Variants in PTPRM observed in about 807,000 individuals in gnomAD.
PTPRM encodes the protein protein tyrosine phosphatase receptor type M, also known as receptor-type tyrosine-protein phosphatase mu.
Under a neutral mutation model 186.7 loss-of-function variants are expected in PTPRM, and 47 were observed. The ratio of observed to expected loss-of-function variants is 0.25; its 90% confidence interval spans 0.20 to 0.32. The LOEUF is 0.32. PTPRM is among the 10% of genes least tolerant of loss of function. PTPRM has a pLI of 1.00. For synonymous variants in PTPRM, 668 were observed against 674.9 expected (o/e 0.99, Z 0.16); for missense variants, 1,494 against 1,865.0 (o/e 0.80, Z 3.66).
intron 14 of PTPRM, among the ~76,000 whole-genome samples, chr18:8,198,355 C>T (rs1001938825): frequency 1.2e-4 from 18 of 152,070 alleles, no homozygotes; most frequent in African/African-American, 4.1e-4. Context: ...TGCCATGTTG[C>T]CCAGGCTGGT....
intron 14 of PTPRM, among the ~76,000 whole-genome samples, chr18:8,191,108 A>G (rs2093703967): frequency 6.6e-6 from 1 of 152,200 alleles, no homozygotes; most frequent in South Asian, 2.1e-4. Flanking sequence ...AGAGTAGGAA[A>G]GGGAACCTTA....
intron 29 of PTPRM, among the ~76,000 whole-genome samples, chr18:8,383,484 G>A (rs886807902): frequency 2.0e-5 from 3 of 151,966 alleles, no homozygotes; most frequent in African/African-American, 4.8e-5. Flanking sequence ...ATTTCCAAGG[G>A]TAGGAATTTT....
At chr18:7,576,009 GA>G (rs2036678579) in intron 1 of PTPRM, among the ~76,000 whole-genome samples, 1 of 152,178 alleles carries the variant, frequency 6.6e-6, no homozygotes, top group South Asian at 2.1e-4. Flanking sequence ...GCAGGGGTTG[GA>G]AATGACCTTG....
chr18:8,143,571 C>T lies in PTPRM; in HGVS notation c.2168-76C>T, dbSNP rs369971141. The T allele has an allele frequency of 8.1e-6, 12 of 1,479,826 alleles. No homozygotes were observed. In the East Asian group the frequency reaches 9.1e-5, roughly 11 times the overall value. The allele number at this position is 1,479,826 out of a possible 1,614,324, so 91.7% of individuals were successfully genotyped here. Reference sequence around the variant, plus strand: ...AGTCTTATTACTCTGTTAAATGCAGCGAAATTTTTTAAACTGTGGCATCTT... The same window carrying T: ...AGTCTTATTACTCTGTTAAATGCAGTGAAATTTTTTAAACTGTGGCATCTT... On this transcript the variant is annotated intron_variant, in intron 13 of 32. Transcript: ENST00000580170.
At chr18:8,114,966 A>C in intron 13 of PTPRM, 139 bp downstream of exon 13, 1 of 627,794 alleles carries the variant, frequency 1.6e-6, no homozygotes, top group Non-Finnish European at 2.7e-6. Context: ...TATATGCATG[A>C]ATGCATGTAT....
At chr18:8,360,747 C>T (rs1480894058) in intron 23 of PTPRM, 10 of 152,156 alleles carry the variant, frequency 6.6e-5, no homozygotes, top group African/African-American at 1.4e-4. Context: ...TTTCAACACC[C>T]GACACTGTTT....
At chr18:7,576,660 T>G (rs1341261577) in intron 1 of PTPRM, among the ~76,000 whole-genome samples, 1 of 152,086 alleles carries the variant, frequency 6.6e-6, no homozygotes, top group Non-Finnish European at 1.5e-5. Context: ...AAAAAATTGA[T>G]AGAGATGGGG....
At chr18:7,719,029 G>C (rs776420700) in intron 1 of PTPRM, among the ~76,000 whole-genome samples, 1 of 152,084 alleles carries the variant, frequency 6.6e-6, no homozygotes, top group East Asian at 1.9e-4. Flanking sequence ...CATTTGATCC[G>C]GCAATCCCAC....
chr18:8,097,413 C>T (rs2091065690), intron 11 of PTPRM, among the ~76,000 whole-genome samples: 1 of 152,186 alleles, frequency 6.6e-6, no homozygotes. Context: ...GTATTTTCCA[C>T]TCAATGAGAA....
At chr18:7,722,817 A>G (rs1308041628) in intron 1 of PTPRM, among the ~76,000 whole-genome samples, 2 of 152,222 alleles carry the variant, frequency 1.3e-5, no homozygotes, top group Non-Finnish European at 2.9e-5. Flanking sequence ...ACAAAGGGAT[A>G]AAACAGGGAC....
At chr18:7,833,781 A>G (rs1417644317) in intron 2 of PTPRM, among the ~76,000 whole-genome samples, 1 of 147,504 alleles carries the variant, frequency 6.8e-6, no homozygotes, top group Admixed American at 6.6e-5. Context: ...AACAACAACA[A>G]CAAAAGCAAT....
chr18:8,126,010 TATATATATATA>T (rs1379536988), intron 13 of PTPRM, among the ~76,000 whole-genome samples: 329 of 23,790 alleles, frequency 0.014, 37 homozygotes, highest in East Asian at 0.018. Flanking sequence ...TATATATATA[TATATATATATA>T]TATATATTTT....
At chr18:8,280,904 A>G (rs2094896418) in intron 19 of PTPRM, among the ~76,000 whole-genome samples, 1 of 152,230 alleles carries the variant, frequency 6.6e-6, no homozygotes, top group Non-Finnish European at 1.5e-5. Context: ...AACACGGTCT[A>G]ATTGTGCCAG....
At chr18:7,955,573 T>C (rs992998129) in intron 7 of PTPRM, among the ~76,000 whole-genome samples, 159 bp downstream of exon 7, 8 of 152,180 alleles carry the variant, frequency 5.3e-5, no homozygotes, top group Non-Finnish European at 1.2e-4. Flanking sequence ...AGCTAACAGC[T>C]TGTGAACTTG....
chr18:8,135,323 G>C (rs552054681), intron 13 of PTPRM, among the ~76,000 whole-genome samples: 136 of 152,248 alleles, frequency 8.9e-4, no homozygotes, highest in African/African-American at 3.1e-3. Flanking sequence ...GATGTTTTAA[G>C]GATAACAACA....
At chr18:7,884,561 T>G (rs2048671894) in intron 2 of PTPRM, among the ~76,000 whole-genome samples, 1 of 152,044 alleles carries the variant, frequency 6.6e-6, no homozygotes, top group South Asian at 2.1e-4. Context: ...GAGTCTGCAT[T>G]TCCACCAAAG....
intron 9 of PTPRM, among the ~76,000 whole-genome samples, chr18:8,079,508 T>G (rs2090011411): frequency 6.6e-6 from 1 of 152,138 alleles, no homozygotes; most frequent in Admixed American, 6.6e-5. Context: ...CTTCTAAAAT[T>G]TTACAAGGTA....
At chr18:7,632,725 G>A (rs55983357) in intron 1 of PTPRM, among the ~76,000 whole-genome samples, 10,435 of 152,192 alleles carry the variant, frequency 0.069, 518 homozygotes, top group South Asian at 0.13. Flanking sequence ...TCTGGATTTA[G>A]GGATGGTATT....
intron 2 of PTPRM, among the ~76,000 whole-genome samples, chr18:7,841,344 T>C (rs2046314682): frequency 7.2e-6 from 1 of 138,834 alleles, no homozygotes; most frequent in Non-Finnish European, 1.5e-5. Context: ...CAGGCTAGAG[T>C]GCAGTGGCCT....
Sources: gnomAD v4.1 joint callset for allele counts (sites outside exome capture counted in the v4.1 genomes callset) on GRCh38, gnomAD v4.1.1 for gene constraint, MANE v1.5 for transcripts, NCBI Gene and HGNC (gene_info 2026-07-23, HGNC 2026-07-21) for gene names.